Variants in MAF observed in about 807,000 individuals in gnomAD.
MAF encodes the protein transcription factor Maf.
A neutral mutation model predicts 22.0 loss-of-function variants in MAF; 10 were observed. That is an observed-to-expected ratio of 0.45 (90% CI 0.28 to 0.77). The LOEUF (loss-of-function observed/expected upper bound fraction) is 0.77, where lower values mean the gene tolerates loss of function less well. MAF is among the 30% of genes least tolerant of loss of function. The pLI is 0.12. For missense variants in MAF, 544 were observed against 548.4 expected (o/e 0.99, Z 0.08); for synonymous variants, 337 against 255.8 (o/e 1.32, Z -3.03).
downstream of MAF, among the ~76,000 whole-genome samples, chr16:79,584,093 C>A (rs1004395980): frequency 1.3e-5 from 2 of 152,006 alleles, no homozygotes; most frequent in African/African-American, 2.4e-5. Context: ...ATAATATAAT[C>A]TAGAATGCTT....
the MAF span, among the ~76,000 whole-genome samples, chr16:79,473,111 G>A: frequency 6.6e-6 from 1 of 152,112 alleles, no homozygotes; most frequent in African/African-American, 2.4e-5. Context: ...TTTTTTGATG[G>A]TGTCGATGGC....
the MAF span, among the ~76,000 whole-genome samples, chr16:79,470,454 A>T: frequency 6.6e-6 from 1 of 152,194 alleles, no homozygotes; most frequent in African/African-American, 2.4e-5. Context: ...CTAGAGAAAC[A>T]GCTAGGGAAG....
chr16:79,560,672 TA>T, the MAF span, among the ~76,000 whole-genome samples: 1 of 152,180 alleles, frequency 6.6e-6, no homozygotes, highest in Non-Finnish European at 1.5e-5. Flanking sequence ...GAGGAATTTT[TA>T]TATCTATCTG....
chr16:79,212,180 C>A, the MAF span: 2 of 1,479,036 alleles, frequency 1.4e-6, no homozygotes, highest in South Asian at 1.4e-5. Context: ...CCACTGCAGC[C>A]GGGGGCTGGC....
the MAF span, among the ~76,000 whole-genome samples, chr16:79,422,557 C>A: frequency 6.6e-6 from 1 of 152,124 alleles, no homozygotes; most frequent in Non-Finnish European, 1.5e-5. Flanking sequence ...AGACAGCTTG[C>A]TCCATGCACT....
At chr16:79,517,198 C>G in the MAF span, among the ~76,000 whole-genome samples, 1 of 152,260 alleles carries the variant, frequency 6.6e-6, no homozygotes, top group South Asian at 2.1e-4. Context: ...CTGAGCCTAC[C>G]TGGGCCTGAT....
the MAF span, among the ~76,000 whole-genome samples, chr16:79,540,462 A>G: frequency 6.6e-6 from 1 of 152,120 alleles, no homozygotes. Flanking sequence ...AAGGGCATCC[A>G]CGCACCAAAA....
At chr16:79,547,897 T>TGAGAGA in the MAF span, among the ~76,000 whole-genome samples, 1 of 43,286 alleles carries the variant, frequency 2.3e-5, no homozygotes, top group Admixed American at 2.2e-4. Context: ...TGTGTGTGTG[T>TGAGAGA]GTGTGAGAGA....
At chr16:79,219,187 G>C in the MAF span, among the ~76,000 whole-genome samples, 2 of 152,144 alleles carry the variant, frequency 1.3e-5, no homozygotes, top group African/African-American at 4.8e-5. Context: ...AGATGAGGGA[G>C]GCTCTGTGTC....
the MAF span, among the ~76,000 whole-genome samples, chr16:79,303,415 G>A: frequency 6.6e-6 from 1 of 152,196 alleles, no homozygotes; most frequent in Non-Finnish European, 1.5e-5. Context: ...CAAAGAGTGT[G>A]CAATGTGGGA....
chr16:79,389,147 C>G, the MAF span, among the ~76,000 whole-genome samples: 1 of 152,210 alleles, frequency 6.6e-6, no homozygotes, highest in Non-Finnish European at 1.5e-5. Flanking sequence ...TCTTGCCAAA[C>G]TTTTATTTTC....
the MAF span, among the ~76,000 whole-genome samples, chr16:79,220,179 C>A: frequency 6.9e-5 from 10 of 145,586 alleles, no homozygotes; most frequent in Admixed American, 5.0e-4. Context: ...TTGCTTGAGC[C>A]CAGGAGGTGG....
the MAF span, among the ~76,000 whole-genome samples, chr16:79,306,771 T>C: frequency 1.3e-5 from 2 of 152,148 alleles, no homozygotes; most frequent in African/African-American, 4.8e-5. Context: ...CTCTTCAACA[T>C]AAAGTAGTGA....
the MAF span, among the ~76,000 whole-genome samples, chr16:79,425,988 C>G: frequency 1.3e-5 from 2 of 152,212 alleles, no homozygotes; most frequent in Admixed American, 1.3e-4. Context: ...AGGCGGATCA[C>G]CAGATCAGGA....
At chr16:79,436,184 A>G in the MAF span, among the ~76,000 whole-genome samples, 2 of 152,096 alleles carry the variant, frequency 1.3e-5, no homozygotes, top group South Asian at 2.1e-4. Context: ...CCAAGTTCAA[A>G]CAATTCTCAT....
the MAF span, among the ~76,000 whole-genome samples, chr16:79,426,001 T>A: frequency 1.2e-4 from 18 of 152,106 alleles, no homozygotes; most frequent in Admixed American, 6.5e-4. Context: ...GATCAGGAGA[T>A]CGAGACCATC....
rs947083874 is a variant in MAF at position 79,599,192 on chromosome 16, C to T, written c.711G>A (p.Gly237=). ...GGGCGCCCCCCGCCCCCGCCGCGCCCCCGCCGCCTCCGCCGCCGCCGCCGC... is the reference window on the plus strand; with the variant it reads ...GGGCGCCCCCCGCCCCCGCCGCGCCTCCGCCGCCTCCGCCGCCGCCGCCGC... ...GGGGGGGGGG[G]GAAGAGGALH... Residue 237 remains glycine (G), a synonymous_variant, in exon 1 of 2, where the codon GGG becomes GGA. Coordinates refer to ENST00000326043, the MANE Select transcript of MAF (RefSeq NM_005360.5). 4 of 1,026,630 alleles carry T rather than the reference C, an allele frequency of 3.9e-6. No homozygotes were observed. The highest frequency in any genetic ancestry group is 4.7e-6 in the Non-Finnish European group (4 of 857,040). 63.6% of individuals were successfully genotyped at this position (1,026,630 alleles called of 1,614,324 possible).
At chr16:79,484,923 A>T in the MAF span, among the ~76,000 whole-genome samples, 1 of 152,226 alleles carries the variant, frequency 6.6e-6, no homozygotes, top group East Asian at 1.9e-4. Context: ...ATTTAGAACC[A>T]GGCAGATCTG....
chr16:79,248,263 T>C, the MAF span, among the ~76,000 whole-genome samples: 7 of 152,156 alleles, frequency 4.6e-5, no homozygotes, highest in African/African-American at 1.4e-4. Flanking sequence ...TGATCCTACC[T>C]GATAATAAAT....
Sources: gnomAD v4.1 joint callset for allele counts (sites outside exome capture counted in the v4.1 genomes callset) on GRCh38, gnomAD v4.1.1 for gene constraint, MANE v1.5 for transcripts, NCBI Gene and HGNC (gene_info 2026-07-23, HGNC 2026-07-21) for gene names.